The following ATP6V0A1 variants were observed in gnomAD, a reference collection of about 807,000 sequenced individuals.
The protein encoded by ATP6V0A1 is ATPase H+ transporting V0 subunit a1.
A neutral mutation model predicts 105.4 loss-of-function variants in ATP6V0A1; 43 were observed. That is an observed-to-expected ratio of 0.41 (90% CI 0.32 to 0.53). The LOEUF is 0.53. Among genes scored for constraint, ATP6V0A1 ranks in the 20% least tolerant of loss-of-function variants. The pLI is 0.30. For synonymous variants in ATP6V0A1, 362 were observed against 372.8 expected, an observed-to-expected ratio of 0.97 and a Z score of 0.33; for missense variants, 676 against 1,051.1, an observed-to-expected ratio of 0.64 and a Z score of 4.93.
chr17:42,500,998 A>AAAATTTAT (rs1273915957), intron 16 of ATP6V0A1, 75 bp downstream of exon 16: 11 of 1,480,690 alleles, frequency 7.4e-6, no homozygotes, highest in Non-Finnish European at 1.0e-5. Flanking sequence ...CTGACCCTAA[A>AAAATTTAT]AAATTTATAA....
At chr17:42,471,813 G>A (rs759707162) in intron 5 of ATP6V0A1, among the ~76,000 whole-genome samples, 130 of 152,256 alleles carry the variant, frequency 8.5e-4, no homozygotes, top group Non-Finnish European at 1.4e-3. Flanking sequence ...AAGGCTTCCA[G>A]AATGCTCCCT....
chr17:42,515,322 C>T (rs912243680), intron 21 of ATP6V0A1, among the ~76,000 whole-genome samples: 2 of 150,444 alleles, frequency 1.3e-5, no homozygotes, highest in Non-Finnish European at 3.0e-5. Flanking sequence ...CAAAAATTAG[C>T]CAGGTGTGGT....
At chr17:42,497,141 A>G (rs2091257078) in intron 14 of ATP6V0A1, among the ~76,000 whole-genome samples, 1 of 151,626 alleles carries the variant, frequency 6.6e-6, no homozygotes, top group African/African-American at 2.4e-5. Flanking sequence ...CATCTCTACC[A>G]GAAGTATAAA....
At chr17:42,502,297 T>C (rs2091733383) in intron 17 of ATP6V0A1, among the ~76,000 whole-genome samples, 1 of 152,238 alleles carries the variant, frequency 6.6e-6, no homozygotes, top group Non-Finnish European at 1.5e-5. Context: ...ATGGGTGAAC[T>C]CACTCATGCG....
At chr17:42,495,220 T>A in intron 13 of ATP6V0A1, 32 bp downstream of exon 13, 1 of 1,607,806 alleles carries the variant, frequency 6.2e-7, no homozygotes, top group Admixed American at 1.7e-5. Flanking sequence ...AATTCAAAGC[T>A]TATTCCTTTC....
intron 8 of ATP6V0A1, among the ~76,000 whole-genome samples, chr17:42,482,368 A>G (rs972032587): frequency 1.3e-5 from 2 of 151,934 alleles, no homozygotes; most frequent in Non-Finnish European, 2.9e-5. Context: ...GCTGGTCTTA[A>G]ACTCCTAGAC....
At chr17:42,471,986 C>T (rs1207793026) in intron 5 of ATP6V0A1, among the ~76,000 whole-genome samples, 1 of 151,900 alleles carries the variant, frequency 6.6e-6, no homozygotes, top group Non-Finnish European at 1.5e-5. Context: ...ATGTGCCTTC[C>T]CATAAAGTTC....
At chr17:42,483,244 A>G in intron 9 of ATP6V0A1, 113 bp downstream of exon 9, 1 of 719,160 alleles carries the variant, frequency 1.4e-6, no homozygotes, top group Non-Finnish European at 2.0e-6. Flanking sequence ...CCAGGATACC[A>G]AAAAAAGAAA....
chr17:42,460,368 C>G (rs1449734523), intron 1 of ATP6V0A1: 1 of 153,040 alleles, frequency 6.5e-6, no homozygotes, highest in African/African-American at 2.4e-5. Flanking sequence ...GAACTTTGGG[C>G]TTTTAGAAAT....
chr17:42,476,746 G>A (rs866254866), intron 5 of ATP6V0A1, among the ~76,000 whole-genome samples: 4 of 152,150 alleles, frequency 2.6e-5, no homozygotes, highest in African/African-American at 9.7e-5. Context: ...CATGGTGGAA[G>A]TCATTTTAAA....
chr17:42,476,312 TAC>T (rs2088732840), intron 5 of ATP6V0A1, among the ~76,000 whole-genome samples: 1 of 152,226 alleles, frequency 6.6e-6, no homozygotes, highest in Non-Finnish European at 1.5e-5. Flanking sequence ...ATCTGGTTTA[TAC>T]ACAGTTTTTC....
At chr17:42,463,068 C>T (rs144316621) in intron 2 of ATP6V0A1, among the ~76,000 whole-genome samples, 89 of 122,290 alleles carry the variant, frequency 7.3e-4, no homozygotes, top group African/African-American at 1.5e-3. Flanking sequence ...TGTAGTGGTG[C>T]GATCTTGGCT....
chr17:42,477,872 A>G (rs1024028070), intron 6 of ATP6V0A1, 130 bp downstream of exon 6: 4 of 727,374 alleles, frequency 5.5e-6, no homozygotes, highest in African/African-American at 5.4e-5. Context: ...AGATAGTCCT[A>G]CAACTCTGGA....
At position 42,490,592 on chromosome 17, in the gene ATP6V0A1, A is replaced by G. The variant is rs1442982210; in HGVS notation, c.1129A>G (p.Ile377Val). Residue 377 changes from isoleucine to valine, a missense_variant, in exon 11 of 22, where the codon ATA (isoleucine) becomes GTA (valine). By Grantham distance (29) the Ile-to-Val change is conservative. Around this residue, in one of 3 missense-constraint regions of ATP6V0A1, gnomAD observed 435 missense variants for 642.2 expected, o/e 0.68. Transcript: ENST00000343619. ...CAAGTTTACCTATGGCTTTCAGAAC[A>G]TAGTAGATGCTTATGGAATTGGAAC... ...TNKFTYGFQN[I>V]VDAYGIGTYR... The G allele has an allele frequency of 1.2e-6, 2 of 1,612,504 alleles. No individual in the cohort carries two copies. The highest frequency in any genetic ancestry group is 8.5e-7 in the Non-Finnish European group (1 of 1,179,470).
chr17:42,459,192 A>C (rs901167616), intron 1 of ATP6V0A1: 1 of 152,222 alleles, frequency 6.6e-6, no homozygotes, highest in Admixed American at 6.5e-5. Context: ...GGGTAGGCGG[A>C]GGAACCGGAG....
chr17:42,469,323 CTTTTTT>C (rs58501978), intron 4 of ATP6V0A1, among the ~76,000 whole-genome samples: 246 of 102,322 alleles, frequency 2.4e-3, no homozygotes, highest in African/African-American at 9.0e-3. Flanking sequence ...AAAGGAAAGA[CTTTTTT>C]TTTTTTTTTT....
At chr17:42,485,887 G>T (rs2145913374) in intron 9 of ATP6V0A1, among the ~76,000 whole-genome samples, 1 of 152,268 alleles carries the variant, frequency 6.6e-6, no homozygotes, top group South Asian at 2.1e-4. Context: ...AAAGAAAGTA[G>T]CTATCTTCAA....
At chr17:42,468,976 G>A (rs970972669) in intron 4 of ATP6V0A1, among the ~76,000 whole-genome samples, 4 of 152,094 alleles carry the variant, frequency 2.6e-5, no homozygotes, top group Admixed American at 2.6e-4. Flanking sequence ...CTCCAGAGTA[G>A]CTGAGACGAT....
Position 42,522,205 on chromosome 17 carries a change from G to A in ATP6V0A1, c.*1085G>A, listed in dbSNP as rs1171683786. On this transcript the variant is annotated 3_prime_UTR_variant, in exon 22 of 22. Transcript: ENST00000343619. ...AGTCCTGCCAAGGGGCTTCCTCCTTGTCACCCCGAACCTTGTAATCGTGTG... is the reference window on the plus strand; with the variant it reads ...AGTCCTGCCAAGGGGCTTCCTCCTTATCACCCCGAACCTTGTAATCGTGTG... The A allele has an allele frequency of 6.6e-6, 1 of 152,424 alleles. No homozygotes were observed. The highest frequency in any genetic ancestry group is 1.5e-5 in the Non-Finnish European group (1 of 68,116). The allele number at this position is 152,424 out of a possible 1,614,324, so 9.4% of individuals were successfully genotyped here.
Sources: allele counts gnomAD v4.1 joint callset (sites outside exome capture counted in the v4.1 genomes callset), GRCh38; gene constraint gnomAD v4.1.1; regional missense constraint gnomAD v4.1.1; transcripts MANE v1.5; gene names NCBI Gene and HGNC (gene_info 2026-07-23, HGNC 2026-07-21).